The following PDE10A variants were observed in gnomAD, a reference collection of about 807,000 sequenced individuals.
PDE10A encodes phosphodiesterase 10A, also known as cAMP and cAMP-inhibited cGMP 3',5'-cyclic phosphodiesterase 10A.
PDE10A carries 39 observed loss-of-function variants against 97.7 expected under a neutral mutation model. That is an observed-to-expected ratio of 0.40 (90% CI 0.31 to 0.52). PDE10A has a LOEUF of 0.52. Ranked by LOEUF, PDE10A falls within the 20% of genes least tolerant of loss-of-function variation. PDE10A has a pLI of 0.56. For missense variants in PDE10A, 731 were observed against 1,047.8 expected (o/e 0.70, Z 4.17); for synonymous variants, 371 against 376.8 (o/e 0.98, Z 0.18).
chr6:165,461,599 C>T (rs904529578), intron 3 of PDE10A, among the ~76,000 whole-genome samples: 1 of 152,196 alleles, frequency 6.6e-6, no homozygotes, highest in African/African-American at 2.4e-5. Flanking sequence ...TACAGATGAA[C>T]AACTGATGAC....
At chr6:165,951,827 T>G (rs932666303) in intron 1 of PDE10A, among the ~76,000 whole-genome samples, 1 of 152,238 alleles carries the variant, frequency 6.6e-6, no homozygotes, top group African/African-American at 2.4e-5. Flanking sequence ...ATGGTCCTTC[T>G]TCCATTTATT....
Position 165,388,496 on chromosome 6 carries a change from AC to A in PDE10A, c.2455-44del. Reference sequence around the variant, plus strand: ...ATGCAGAGATGCTCAAAACACAGAAACACACATGAGCAGACTTACCGCTTAC... The same window carrying A: ...ATGCAGAGATGCTCAAAACACAGAAAACACATGAGCAGACTTACCGCTTAC... On this transcript the variant is annotated intron_variant, in intron 16 of 21. Coordinates refer to ENST00000539869, the MANE Select transcript of PDE10A (RefSeq NM_001385079.1). This position sits in a 1 kb window ranked among gnomAD's most constrained non-coding sequence, Gnocchi z 4.0. The A allele has an allele frequency of 6.3e-7, 1 of 1,585,836 alleles. No individual in the cohort carries two copies. Among genetic ancestry groups the A allele is most frequent in the Non-Finnish European group, 8.6e-7 (1 of 1,156,436 alleles).
chr6:165,530,054 A>C (rs912441784), intron 2 of PDE10A, among the ~76,000 whole-genome samples: 1 of 152,056 alleles, frequency 6.6e-6, no homozygotes, highest in Non-Finnish European at 1.5e-5. Flanking sequence ...AGCAAATATA[A>C]TACAGGCAGA....
At chr6:165,959,009 T>G (rs1208427159) in intron 1 of PDE10A, among the ~76,000 whole-genome samples, 1 of 152,174 alleles carries the variant, frequency 6.6e-6, no homozygotes, top group Non-Finnish European at 1.5e-5. Flanking sequence ...GTGCACAGCT[T>G]CAGCGTCAGG....
intron 1 of PDE10A, among the ~76,000 whole-genome samples, chr6:165,751,059 G>A (rs1413002827): frequency 1.3e-5 from 2 of 152,186 alleles, no homozygotes; most frequent in African/African-American, 4.8e-5. Flanking sequence ...CATGAGCTGT[G>A]CTGTCTCCTG....
chr6:165,449,596 A>G (rs1791139284), intron 4 of PDE10A, among the ~76,000 whole-genome samples: 1 of 152,180 alleles, frequency 6.6e-6, no homozygotes, highest in African/African-American at 2.4e-5. Flanking sequence ...GGTGGCAATA[A>G]TAAAAACAAC....
chr6:165,362,901 G>A (rs1237075808), intron 18 of PDE10A, among the ~76,000 whole-genome samples: 1 of 152,134 alleles, frequency 6.6e-6, no homozygotes, highest in African/African-American at 2.4e-5. Context: ...TGCAAGGTTG[G>A]TTTAACATCT....
chr6:165,338,665 C>T (rs1781788823), intron 20 of PDE10A, among the ~76,000 whole-genome samples: 1 of 152,162 alleles, frequency 6.6e-6, no homozygotes, highest in African/African-American at 2.4e-5. Flanking sequence ...CTTTGTTTAG[C>T]CAATGACAAA....
At chr6:165,875,998 T>G (rs1053925401) in intron 1 of PDE10A, among the ~76,000 whole-genome samples, 1 of 152,218 alleles carries the variant, frequency 6.6e-6, no homozygotes, top group Non-Finnish European at 1.5e-5. Context: ...CTTTTATGGA[T>G]AACATGAGGC....
intron 1 of PDE10A, among the ~76,000 whole-genome samples, chr6:165,608,098 A>G (rs1562625166): frequency 2.1e-5 from 3 of 146,200 alleles, no homozygotes; most frequent in African/African-American, 7.8e-5. Flanking sequence ...ATATGTGCAT[A>G]TATATACATG....
At chr6:165,385,822 T>C (rs1010342426) in intron 17 of PDE10A, among the ~76,000 whole-genome samples, 3 of 152,214 alleles carry the variant, frequency 2.0e-5, no homozygotes, top group African/African-American at 2.4e-5. Context: ...GTAGCTCAAA[T>C]TGAAGGGATT....
intron 18 of PDE10A, among the ~76,000 whole-genome samples, chr6:165,349,543 G>T (rs1220714879): frequency 2.0e-5 from 3 of 152,294 alleles, no homozygotes; most frequent in South Asian, 2.1e-4. Flanking sequence ...TGGTAGAAAA[G>T]AAAAACCAAT....
rs181857839 is a variant in PDE10A, at chr6:165,743,787, G to A, written c.-614-200219C>T. ...TCAAAGCGACATGTTCCGACTCCCT[G>A]TCTATTCTACAATGAGAATGTTAGT... On this transcript the variant is annotated intron_variant, in intron 1 of 19. Transcript: ENST00000366882. Among the ~76,000 whole-genome samples the A allele has an allele frequency of 3.0e-4, 46 of 152,344 alleles. 1 individual carries two copies. The highest frequency in any genetic ancestry group is 2.9e-3 in the Admixed American group (45 of 15,300).
chr6:165,438,965 A>G (rs1031699224), intron 5 of PDE10A, among the ~76,000 whole-genome samples: 3 of 151,998 alleles, frequency 2.0e-5, no homozygotes, highest in Non-Finnish European at 4.4e-5. Context: ...TTAAAAAAAA[A>G]AAAAAAAAAG....
intron 17 of PDE10A, among the ~76,000 whole-genome samples, chr6:165,384,614 GTGTGTA>G (rs913871745): frequency 8.4e-5 from 12 of 142,304 alleles, no homozygotes; most frequent in African/African-American, 3.2e-4. Context: ...AGTAACGTGT[GTGTGTA>G]TGTGTGAGTG....
intron 1 of PDE10A, among the ~76,000 whole-genome samples, chr6:165,570,722 T>A (rs1165505844): frequency 6.6e-6 from 1 of 152,244 alleles, no homozygotes; most frequent in Non-Finnish European, 1.5e-5. Context: ...CTCTGGTCTT[T>A]GAAGTAGAAA....
At chr6:165,878,028 A>C (rs921194466) in intron 1 of PDE10A, among the ~76,000 whole-genome samples, 2 of 152,190 alleles carry the variant, frequency 1.3e-5, no homozygotes, top group African/African-American at 4.8e-5. Flanking sequence ...AGAGATAAAC[A>C]GATTGATGAT....
rs556354100 is a variant in PDE10A at position 165,396,474 on chromosome 6, C to CA, written c.2077-16dup. On this transcript the variant is annotated splice_polypyrimidine_tract_variant and intron_variant, in intron 13 of 21. Coordinates refer to ENST00000539869, the MANE Select transcript of PDE10A (RefSeq NM_001385079.1). ...CTATGATACATCTAGAAGGCAAATC[C>CA]AAAAAAAAAACCCCCAAAATTAAAA... The CA allele has an allele frequency of 7.8e-3, 10,473 of 1,347,176 alleles. No homozygotes were observed. Among genetic ancestry groups the CA allele is most frequent in the South Asian group, 0.012 (773 of 66,938 alleles). 83.5% of individuals were successfully genotyped at this position (1,347,176 alleles called of 1,614,324 possible).
At position 165,332,966 on chromosome 6, in the gene PDE10A, A is replaced by AG; in HGVS notation, c.*58_*59insC. 1 of 811,996 alleles carries AG rather than the reference A, an allele frequency of 1.2e-6. No individual in the cohort carries two copies. Among genetic ancestry groups the AG allele is most frequent in the Non-Finnish European group, 2.0e-6 (1 of 497,536 alleles). 50.3% of individuals were successfully genotyped at this position (811,996 alleles called of 1,614,324 possible). A position where few individuals can be genotyped will look rare whatever the true frequency, so the allele number is the denominator to read the frequency against. ...CACCCCCCCCAAAAAAAGGAAAAGAATGTCAAAGAAGCAAGATGAGGATCT... is the reference window on the plus strand; with the variant it reads ...CACCCCCCCCAAAAAAAGGAAAAGAAGTGTCAAAGAAGCAAGATGAGGATCT... On this transcript the variant is annotated 3_prime_UTR_variant, in exon 22 of 22. Transcript: ENST00000539869.
Sources: gnomAD v4.1 joint callset for allele counts (sites outside exome capture counted in the v4.1 genomes callset) on GRCh38, gnomAD v4.1.1 for gene constraint, Gnocchi (gnomAD v3.1) non-coding constraint, MANE v1.5 for transcripts, NCBI Gene and HGNC (gene_info 2026-07-23, HGNC 2026-07-21) for gene names.